ANK1: variants seen among roughly 807,000 people sequenced by gnomAD.
The protein encoded by ANK1 is ankyrin-1.
ANK1 carries 51 observed loss-of-function variants against 210.4 expected under a neutral mutation model. That is an observed-to-expected ratio of 0.24 (90% confidence interval 0.19 to 0.31). The LOEUF is 0.31. Among genes scored for constraint, ANK1 ranks in the 10% least tolerant of loss-of-function variants. The pLI is 1.00. For synonymous variants in ANK1, 967 were observed against 1,025.9 expected (o/e 0.94, Z 1.10); for missense variants, 2,051 against 2,504.4 (o/e 0.82, Z 3.86).
chr8:41,758,043 C>T lies in ANK1; in HGVS notation c.122G>A (p.Cys41Tyr). 6.2e-7 allele frequency: 1 copy of T among 1,614,020 alleles called. No individual in the cohort carries two copies. Among genetic ancestry groups the T allele is most frequent in the Non-Finnish European group, 8.5e-7 (1 of 1,179,874 alleles). Residue 41 changes from cysteine (C) to tyrosine (Y), a missense_variant, in exon 2 of 43, where the codon TGT becomes TAT. Physicochemically the swap from Cys to Tyr is radical, Grantham distance 194 (BLOSUM62 -2). Coordinates refer to ENST00000289734, the MANE Select transcript of ANK1 (RefSeq NM_000037.4). ...TGCCTCCATCCCACTTACCTGGTTA[C>T]AGGTGTTAATATCTACCCCATTCCG... ...HLRNGVDINT[C>Y]NQNGLNGLHL...
At chr8:41,875,924 G>A (rs1816483896) in intron 1 of ANK1, among the ~76,000 whole-genome samples, 1 of 152,048 alleles carries the variant, frequency 6.6e-6, no homozygotes, top group Non-Finnish European at 1.5e-5. Flanking sequence ...GGCTGCATCC[G>A]AGGCTCCCCA....
At chr8:41,738,312 C>A (rs1376317364) in intron 2 of ANK1, among the ~76,000 whole-genome samples, 1 of 152,172 alleles carries the variant, frequency 6.6e-6, no homozygotes, top group African/African-American at 2.4e-5. Flanking sequence ...AACATCCAGA[C>A]CCCAGCAGCA....
chr8:41,855,504 T>C (rs1812029798), intron 1 of ANK1, among the ~76,000 whole-genome samples: 1 of 152,190 alleles, frequency 6.6e-6, no homozygotes, highest in Non-Finnish European at 1.5e-5. Context: ...AGCAAGTCAA[T>C]CAAAGAAGCC....
chr8:41,813,731 T>G (rs1802837105), intron 1 of ANK1, among the ~76,000 whole-genome samples: 1 of 152,212 alleles, frequency 6.6e-6, no homozygotes, highest in African/African-American at 2.4e-5. Context: ...ATCATCAAAC[T>G]TCGTCTGTAA....
At chr8:41,844,622 C>T (rs934603501) in intron 1 of ANK1, among the ~76,000 whole-genome samples, 1 of 152,224 alleles carries the variant, frequency 6.6e-6, no homozygotes, top group Non-Finnish European at 1.5e-5. Flanking sequence ...CTCGGGCATG[C>T]CCCAGAATCT....
intron 1 of ANK1, among the ~76,000 whole-genome samples, chr8:41,836,347 A>G (rs1284895163): frequency 6.6e-6 from 1 of 152,266 alleles, no homozygotes; most frequent in Non-Finnish European, 1.5e-5. Flanking sequence ...TTCATTGAGC[A>G]AGGTTTCCAT....
chr8:41,703,576 C>A (rs909471943), intron 20 of ANK1, among the ~76,000 whole-genome samples: 1 of 150,338 alleles, frequency 6.7e-6, no homozygotes, highest in African/African-American at 2.5e-5. Context: ...CTTGACCTCC[C>A]GGACTCAGGC....
chr8:41,802,999 A>G (rs112386304), intron 1 of ANK1, among the ~76,000 whole-genome samples: 8,140 of 49,002 alleles, frequency 0.17, 668 homozygotes, highest in Admixed American at 0.26. Context: ...GAAAGAGAGA[A>G]AGAAAGAAAG....
intron 1 of ANK1, among the ~76,000 whole-genome samples, chr8:41,864,249 CAAAA>C (rs34673931): frequency 3.9e-5 from 3 of 77,870 alleles, no homozygotes; most frequent in Admixed American, 1.4e-4. Flanking sequence ...GACTCTGTCT[CAAAA>C]AAAAAAAAAA....
At position 41,703,455 on chromosome 8, in the gene ANK1, T is replaced by A. The variant is rs1319440018; in HGVS notation, c.2295+586A>T. 2.4e-3 allele frequency among the ~76,000 whole-genome samples: 309 copies of A among 126,554 alleles called. 1 individual carries two copies. The highest frequency in any genetic ancestry group is 5.1e-3 in the South Asian group (20 of 3,908). 83.0% of individuals were successfully genotyped at this position (126,554 alleles called of 152,430 possible). On this transcript the variant is annotated intron_variant, in intron 20 of 42. Coordinates refer to ENST00000289734, the MANE Select transcript of ANK1 (RefSeq NM_000037.4). ...ATATATATATATATATATATATTTT[T>A]TTTTTTTTTTTAAGACACAAGGTCT...
intron 41 of ANK1, 36 bp downstream of exon 41, chr8:41,661,840 C>A: frequency 6.2e-7 from 1 of 1,614,152 alleles, no homozygotes; most frequent in East Asian, 2.2e-5. Context: ...CGACCTCCAG[C>A]TCACTGGGAT....
chr8:41,825,376 G>A (rs1000508392), intron 1 of ANK1, among the ~76,000 whole-genome samples: 2 of 152,074 alleles, frequency 1.3e-5, no homozygotes, highest in African/African-American at 2.4e-5. Flanking sequence ...GCAAAACCTC[G>A]CCAGCTCTGT....
chr8:41,701,967 C>T (rs1470559443), intron 21 of ANK1, 85 bp downstream of exon 21: 2 of 1,416,334 alleles, frequency 1.4e-6, no homozygotes, highest in Admixed American at 1.7e-5. Context: ...CCCCAGAACG[C>T]ACCCCACTTC....
intron 1 of ANK1, among the ~76,000 whole-genome samples, chr8:41,869,755 G>A (rs1206721790): frequency 1.3e-5 from 2 of 152,298 alleles, no homozygotes; most frequent in South Asian, 4.1e-4. Context: ...CATAGGCCAC[G>A]TCAGCTGACA....
chr8:41,686,082 A>G (rs1261941572), intron 36 of ANK1, 70 bp downstream of exon 36: 4 of 1,609,646 alleles, frequency 2.5e-6, no homozygotes, highest in Non-Finnish European at 3.4e-6. Flanking sequence ...CATGAATGGA[A>G]TTTGAAGGAA....
At chr8:41,737,924 C>T (rs1317201291) in intron 2 of ANK1, among the ~76,000 whole-genome samples, 1 of 152,214 alleles carries the variant, frequency 6.6e-6, no homozygotes, top group South Asian at 2.1e-4. Flanking sequence ...TATGGAGAAC[C>T]TCGTCTGTGT....
chr8:41,823,680 C>G (rs1374588232), intron 1 of ANK1, among the ~76,000 whole-genome samples: 1 of 151,734 alleles, frequency 6.6e-6, no homozygotes, highest in Non-Finnish European at 1.5e-5. Context: ...GGGAGGATTG[C>G]TTGAGTCTGG....
At position 41,702,969 on chromosome 8, in the gene ANK1, G is replaced by T. The variant is rs1188401236; in HGVS notation, c.2296-825C>A. On this transcript the variant is annotated intron_variant, in intron 20 of 42. Transcript: ENST00000289734. ...CGAGTAGCTGGGACTACAGGTGCCTGTCACCTCACTCAGCTAATTTTTTTT... is the reference window on the plus strand; with the variant it reads ...CGAGTAGCTGGGACTACAGGTGCCTTTCACCTCACTCAGCTAATTTTTTTT... Among the ~76,000 whole-genome samples the T allele has an allele frequency of 2.6e-5, 4 of 151,726 alleles. 1 individual carries two copies. The East Asian group carries it at 5.8e-4, about 22-fold the overall frequency.
Position 41,787,058 on chromosome 8 carries a change from G to A in ANK1, c.27+10454C>T, listed in dbSNP as rs994926293. Among the ~76,000 whole-genome samples, 47 of 152,254 alleles carry A rather than the reference G, an allele frequency of 3.1e-4. 1 individual carries two copies. The highest frequency in any genetic ancestry group is 1.1e-3 in the African/African-American group (47 of 41,540). On this transcript the variant is annotated intron_variant, in intron 1 of 42. Coordinates refer to ENST00000289734, the MANE Select transcript of ANK1 (RefSeq NM_000037.4). ...CATGTATTTATTTAGTGCCAGAGAC[G>A]TCCCAAAGCACAGAGGGATGCCTGA...
Sources: allele counts gnomAD v4.1 joint callset (sites outside exome capture counted in the v4.1 genomes callset), GRCh38; gene constraint gnomAD v4.1.1; transcripts MANE v1.5; gene names NCBI Gene and HGNC (gene_info 2026-07-23, HGNC 2026-07-21).